Variants in SPOCK2 observed in about 807,000 individuals in gnomAD.
SPOCK2 encodes the protein testican-2.
SPOCK2 carries 39 observed loss-of-function variants against 60.1 expected under a neutral mutation model. That is an observed-to-expected ratio of 0.65 (90% CI 0.50 to 0.85). SPOCK2 has a LOEUF of 0.85. Ranked by LOEUF, SPOCK2 falls within the 40% of genes least tolerant of loss-of-function variation. SPOCK2 has a pLI of 0.00. For synonymous variants in SPOCK2, 217 were observed against 231.5 expected, an observed-to-expected ratio of 0.94 and a Z score of 0.57; for missense variants, 523 against 567.4, an observed-to-expected ratio of 0.92 and a Z score of 0.80.
rs910155359 is a variant in SPOCK2, at chr10:72,061,893, A to T, written c.*867T>A. On this transcript the variant is annotated 3_prime_UTR_variant, in exon 11 of 11. Transcript: ENST00000373109. ...AAGCTCCCCCAGGCTCTGCAGCCAC[A>T]GCCTCCTCCTGCTGAGCCGACCCCC... 1.3e-5 allele frequency: 2 copies of T among 153,464 alleles called. No homozygotes were observed. Among genetic ancestry groups the T allele is most frequent in the Non-Finnish European group, 1.4e-5 (1 of 68,998 alleles). 9.5% of individuals were successfully genotyped at this position (153,464 alleles called of 1,614,324 possible).
intron 7 of SPOCK2, among the ~76,000 whole-genome samples, 161 bp downstream of exon 7, chr10:72,067,452 G>A (rs563012183): frequency 6.6e-6 from 1 of 152,034 alleles, no homozygotes; most frequent in East Asian, 1.9e-4. Context: ...CTGCTCTGGT[G>A]GAAGCCGACT....
intron 5 of SPOCK2, chr10:72,068,970 C>T (rs926888385): frequency 6.6e-6 from 1 of 152,484 alleles, no homozygotes; most frequent in African/African-American, 2.4e-5. Context: ...GTTTCTCCTG[C>T]TCAGCAGAGA....
In SPOCK2 at chr10:72,087,767, G is replaced by A. The variant is rs947714945; in HGVS notation, c.189+373C>T. Among the ~76,000 whole-genome samples, 86 of 152,302 alleles carry A rather than the reference G, an allele frequency of 5.6e-4. No homozygotes were observed. Among genetic ancestry groups the A allele is most frequent in the Middle Eastern group, 3.4e-3 (1 of 292 alleles). ...TCCCAGCGGCTGGGGCAGGCCCGGG[G>A]GCGGCTCGCACAACGCAGCTGGGGA... On this transcript the variant is annotated intron_variant, in intron 1 of 10. Transcript: ENST00000373109. This position sits in a 1 kb window ranked among gnomAD's most constrained non-coding sequence, Gnocchi z 4.7.
chr10:72,086,708 C>A (rs2131825651), intron 1 of SPOCK2: 1 of 1,358,406 alleles, frequency 7.4e-7, no homozygotes, highest in East Asian at 3.2e-5. Context: ...AGCAGCCCAT[C>A]GCGGGGCCCG....
Position 72,088,161 on chromosome 10 carries a change from C to T in SPOCK2, c.168G>A (p.Lys56=). The T allele has an allele frequency of 6.2e-7, 1 of 1,613,018 alleles. No individual in the cohort carries two copies. Among genetic ancestry groups the T allele is most frequent in the Non-Finnish European group, 8.5e-7 (1 of 1,179,658 alleles). The change falls in exon 1 of 11, where the codon AAG becomes AAA. Residue 56 remains lysine (K), a synonymous_variant. Coordinates refer to ENST00000373109, the MANE Select transcript of SPOCK2 (RefSeq NM_001244950.2). ...SSISQYSGKI[K]HWNRFRDEVE... ...TCACGTCTCGGAAGCGGTTCCAGTG[C>T]TTGATCTTGCCGCTGTACTGCGAGA...
In SPOCK2 at chr10:72,062,643, C is replaced by A; in HGVS notation, c.*117G>T. The stretch of plus-strand genomic sequence containing the variant: ...TGCCATGCACACTCACACTCCCAGT[C>A]CCCCCAGGTGGAGCAGGGTCCTTCT... On this transcript the variant is annotated 3_prime_UTR_variant, in exon 11 of 11. Transcript: ENST00000373109. The surrounding 1 kb of genome is among the most constrained non-coding windows in gnomAD (Gnocchi z 4.3). 1 of 1,500,884 alleles carries A rather than the reference C, an allele frequency of 6.7e-7. No individual in the cohort carries two copies. Among genetic ancestry groups the A allele is most frequent in the South Asian group, 1.3e-5 (1 of 75,436 alleles). 93.0% of individuals were successfully genotyped at this position (1,500,884 alleles called of 1,614,324 possible).
intron 7 of SPOCK2, 32 bp downstream of exon 7, chr10:72,067,581 C>G (rs1457122443): frequency 6.2e-7 from 1 of 1,609,768 alleles, no homozygotes; most frequent in African/African-American, 1.3e-5. Flanking sequence ...CTATTTCCCT[C>G]CCTCCTCCAG....
chr10:72,079,261 C>A (rs1840753411), intron 1 of SPOCK2, among the ~76,000 whole-genome samples: 1 of 152,170 alleles, frequency 6.6e-6, no homozygotes, highest in Admixed American at 6.5e-5. Flanking sequence ...AAGTCCTAGG[C>A]CAGGGGTGGG....
intron 1 of SPOCK2, among the ~76,000 whole-genome samples, chr10:72,077,615 T>C (rs1840730063): frequency 2.0e-5 from 3 of 152,192 alleles, no homozygotes. Flanking sequence ...TTTGCTTATG[T>C]TCTTGGGTGT....
In SPOCK2 at chr10:72,070,444, G is replaced by A; in HGVS notation, c.360-18C>T. On this transcript the variant is annotated intron_variant, in intron 4 of 10. Coordinates refer to ENST00000373109, the MANE Select transcript of SPOCK2 (RefSeq NM_001244950.2). ...GCTTGATCCTACAGGAGAGGGTGGGGGGCACACCAGGGTGGAAGTGACAAT... is the reference window on the plus strand; with the variant it reads ...GCTTGATCCTACAGGAGAGGGTGGGAGGCACACCAGGGTGGAAGTGACAAT... 1 of 1,611,868 alleles carries A rather than the reference G, an allele frequency of 6.2e-7. No homozygotes were observed. Among genetic ancestry groups the A allele is most frequent in the South Asian group, 1.1e-5 (1 of 91,026 alleles).
chr10:72,073,898 C>T (rs1840681428), intron 1 of SPOCK2, among the ~76,000 whole-genome samples: 1 of 152,228 alleles, frequency 6.6e-6, no homozygotes, highest in Non-Finnish European at 1.5e-5. Flanking sequence ...CAGGGCACTC[C>T]TGGTGGAAAC....
At position 72,088,321 on chromosome 10, in the gene SPOCK2, G is replaced by A. The variant is rs1257874437; in HGVS notation, c.8C>T (p.Ala3Val). Residue 3 changes from alanine (A) to valine (V), a missense_variant, in exon 1 of 11, where the codon GCC (alanine) becomes GTC (valine). By Grantham distance (64) the Ala-to-Val change is moderately conservative. Coordinates refer to ENST00000373109, the MANE Select transcript of SPOCK2 (RefSeq NM_001244950.2). MRAPGCGRLVLPL... is the reference protein window; with the variant it reads MRVPGCGRLVLPL... ...CAGCACCAGCCGCCCGCAGCCCGGG[G>A]CGCGCATCGTGGTCTGGGTTCGACC... 6.3e-7 allele frequency: 1 copy of A among 1,578,248 alleles called. No homozygotes were observed. Among genetic ancestry groups the A allele is most frequent in the Non-Finnish European group, 8.6e-7 (1 of 1,165,796 alleles).
upstream of SPOCK2, chr10:72,088,554 A>T: frequency 2.0e-6 from 1 of 505,686 alleles, no homozygotes; most frequent in South Asian, 3.0e-5. Context: ...AGAGAATCAG[A>T]GAGGCTGCGC....
intron 1 of SPOCK2, among the ~76,000 whole-genome samples, chr10:72,083,875 G>A (rs1237122848): frequency 6.6e-6 from 1 of 152,156 alleles, no homozygotes; most frequent in Non-Finnish European, 1.5e-5. Context: ...CCACTTTTGG[G>A]TTCTTCTCAC....
chr10:72,079,845 G>T (rs887174543), intron 1 of SPOCK2, among the ~76,000 whole-genome samples: 5 of 151,984 alleles, frequency 3.3e-5, no homozygotes, highest in Non-Finnish European at 7.4e-5. Flanking sequence ...AGGACTCAGG[G>T]GCCTGGGCTC....
At chr10:72,079,950 C>T (rs986577242) in intron 1 of SPOCK2, among the ~76,000 whole-genome samples, 6 of 152,102 alleles carry the variant, frequency 3.9e-5, no homozygotes, top group African/African-American at 1.2e-4. Flanking sequence ...CCCTTGCCTT[C>T]CCCTCTGAGC....
chr10:72,071,008 A>G (rs986988993), intron 4 of SPOCK2, among the ~76,000 whole-genome samples: 1 of 152,060 alleles, frequency 6.6e-6, no homozygotes, highest in African/African-American at 2.4e-5. Flanking sequence ...CCCGTGACCA[A>G]GCACTCTTCA....
chr10:72,082,686 T>C lies in SPOCK2; in HGVS notation c.189+5454A>G, dbSNP rs1175737752. 2.0e-5 allele frequency among the ~76,000 whole-genome samples: 3 copies of C among 151,516 alleles called. No homozygotes were observed. In the East Asian group the frequency reaches 5.8e-4, roughly 29 times the overall value. Reference sequence around the variant, plus strand: ...AAGGGCAACATGGTGAAACCCCCTGTCTACAAAAAATACAAAAATTAGCCA... The same window carrying C: ...AAGGGCAACATGGTGAAACCCCCTGCCTACAAAAAATACAAAAATTAGCCA... On this transcript the variant is annotated intron_variant, in intron 1 of 10. Coordinates refer to ENST00000373109, the MANE Select transcript of SPOCK2 (RefSeq NM_001244950.2).
chr10:72,067,195 C>T (rs1286414757), intron 7 of SPOCK2, 75 bp from the exon 8 acceptor site: 25 of 1,415,286 alleles, frequency 1.8e-5, no homozygotes, highest in Non-Finnish European at 2.2e-5. Context: ...CTCTCCGCCT[C>T]GCCATCAGCC....
Sources: allele counts gnomAD v4.1 joint callset (sites outside exome capture counted in the v4.1 genomes callset), GRCh38; gene constraint gnomAD v4.1.1; non-coding constraint Gnocchi (gnomAD v3.1); transcripts MANE v1.5; gene names NCBI Gene and HGNC (gene_info 2026-07-23, HGNC 2026-07-21).